The following MYO1B variants were observed in gnomAD, a reference collection of about 807,000 sequenced individuals.
MYO1B encodes the protein unconventional myosin-Ib.
In MYO1B, 72 loss-of-function variants were observed where a neutral mutation model predicts 159.7. That is an observed-to-expected ratio of 0.45 (90% CI 0.37 to 0.55). The LOEUF is 0.55. MYO1B is among the 20% of genes least tolerant of loss of function. The pLI is 0.00. For synonymous variants in MYO1B, 468 were observed against 473.8 expected, an observed-to-expected ratio of 0.99 and a Z score of 0.16; for missense variants, 1,062 against 1,364.8, an observed-to-expected ratio of 0.78 and a Z score of 3.50.
At chr2:191,282,813 G>A (rs1273276445) in intron 2 of MYO1B, among the ~76,000 whole-genome samples, 1 of 152,168 alleles carries the variant, frequency 6.6e-6, no homozygotes, top group African/African-American at 2.4e-5. Context: ...GATGAAGTAG[G>A]GAAGGAAGGA....
At chr2:191,414,775 T>G in intron 29 of MYO1B, 106 bp downstream of exon 29, 1 of 1,267,780 alleles carries the variant, frequency 7.9e-7, no homozygotes. Flanking sequence ...CCTTGCTAAT[T>G]TGCAAATTTT....
At chr2:191,253,573 T>TAA (rs5837223) in intron 1 of MYO1B, among the ~76,000 whole-genome samples, 27 of 147,518 alleles carry the variant, frequency 1.8e-4, no homozygotes, top group Admixed American at 4.0e-4. Flanking sequence ...TTTCACAACT[T>TAA]AAAAAAAAAA....
At position 191,291,889 on chromosome 2, in the gene MYO1B, A is replaced by T. The variant is rs73981544; in HGVS notation, c.136-4222A>T. 6.0e-3 allele frequency among the ~76,000 whole-genome samples: 918 copies of T among 152,308 alleles called. 12 individuals are homozygous for T. The highest frequency in any genetic ancestry group is 0.021 in the African/African-American group (864 of 41,562). On this transcript the variant is annotated intron_variant, in intron 2 of 30. Transcript: ENST00000392318. Reference sequence around the variant, plus strand: ...AGAATTGGTAGCTACCTAAAACTAGAGTAGAAATGTTAAACCCCACCCAGC... The same window carrying T: ...AGAATTGGTAGCTACCTAAAACTAGTGTAGAAATGTTAAACCCCACCCAGC...
chr2:191,357,471 C>T (rs1235136990), intron 7 of MYO1B, among the ~76,000 whole-genome samples: 3 of 152,152 alleles, frequency 2.0e-5, no homozygotes, highest in Non-Finnish European at 2.9e-5. Context: ...TATCTCTTAC[C>T]TTAAAATGGA....
intron 5 of MYO1B, among the ~76,000 whole-genome samples, chr2:191,344,789 C>T (rs1203931418): frequency 7.4e-6 from 1 of 134,464 alleles, no homozygotes; most frequent in South Asian, 2.6e-4. Flanking sequence ...GAGATCCCGC[C>T]GCTGCACTCC....
At chr2:191,328,678 A>C (rs112206244) in intron 3 of MYO1B, among the ~76,000 whole-genome samples, 2 of 152,088 alleles carry the variant, frequency 1.3e-5, no homozygotes, top group African/African-American at 4.8e-5. Flanking sequence ...GAACCTGCCT[A>C]TCTCTCTCCG....
intron 5 of MYO1B, 114 bp downstream of exon 5, chr2:191,341,679 G>C: frequency 9.2e-6 from 7 of 763,632 alleles, no homozygotes; most frequent in Non-Finnish European, 1.3e-5. Flanking sequence ...GAGGAAGGAA[G>C]AGATTCAGGC....
intron 7 of MYO1B, among the ~76,000 whole-genome samples, chr2:191,353,609 A>G (rs6731901): frequency 0.43 from 65,516 of 151,876 alleles, 14,846 homozygotes; most frequent in African/African-American, 0.59. Context: ...TTTTTTCCTT[A>G]TCCATTATTT....
chr2:191,385,420 T>C (rs1403895129), intron 15 of MYO1B, among the ~76,000 whole-genome samples: 1 of 152,226 alleles, frequency 6.6e-6, no homozygotes, highest in African/African-American at 2.4e-5. Context: ...TTTGGAAACA[T>C]AGAAAACGAG....
intron 7 of MYO1B, among the ~76,000 whole-genome samples, chr2:191,356,360 G>GTTTTTTTTTTTT (rs1693287949): frequency 1.2e-5 from 1 of 86,650 alleles, no homozygotes; most frequent in Non-Finnish European, 2.5e-5. Context: ...TTTTTTTTGA[G>GTTTTTTTTTTTT]TTTTGAGTTT....
intron 13 of MYO1B, among the ~76,000 whole-genome samples, chr2:191,377,068 G>A (rs1694755357): frequency 2.6e-5 from 4 of 152,036 alleles, no homozygotes; most frequent in African/African-American, 4.8e-5. Flanking sequence ...TTGAAAGGAT[G>A]GACTCAAAGT....
At chr2:191,380,785 G>A (rs903323974) in intron 13 of MYO1B, among the ~76,000 whole-genome samples, 1 of 152,078 alleles carries the variant, frequency 6.6e-6, no homozygotes, top group Admixed American at 6.6e-5. Flanking sequence ...CATTTGGTAG[G>A]AACTTCATTT....
intron 23 of MYO1B, 151 bp from the exon 24 acceptor site, chr2:191,402,481 C>A (rs1273139161): frequency 1.5e-6 from 1 of 678,824 alleles, no homozygotes; most frequent in Non-Finnish European, 2.6e-6. Context: ...GACACCAATT[C>A]TTTGGGTTTA....
intron 8 of MYO1B, 22 bp downstream of exon 8, chr2:191,360,751 GTGTTGTTGTTGTTGTTGT>G (rs71403288): frequency 2.7e-6 from 3 of 1,117,816 alleles, no homozygotes; most frequent in Non-Finnish European, 3.9e-6. Context: ...TTTCTATGTG[GTGTTGTTGTTGTTGTTGT>G]TGTTGTTGTT....
intron 30 of MYO1B, among the ~76,000 whole-genome samples, chr2:191,419,131 T>C (rs1025759807): frequency 2.1e-4 from 32 of 152,248 alleles, no homozygotes; most frequent in African/African-American, 7.2e-4. Context: ...CACTGCCAGT[T>C]GTCTACAAGT....
chr2:191,309,224 G>T (rs1689841680), intron 3 of MYO1B, among the ~76,000 whole-genome samples: 1 of 152,128 alleles, frequency 6.6e-6, no homozygotes, highest in African/African-American at 2.4e-5. Context: ...TTGGTCAGTG[G>T]CAGCATCATC....
At chr2:191,274,702 G>A (rs940531744) in intron 1 of MYO1B, among the ~76,000 whole-genome samples, 1 of 152,026 alleles carries the variant, frequency 6.6e-6, no homozygotes, top group African/African-American at 2.4e-5. Flanking sequence ...TGTGACAAAT[G>A]GTCCTCTCCC....
intron 30 of MYO1B, among the ~76,000 whole-genome samples, chr2:191,420,008 C>G (rs1353598494): frequency 6.6e-6 from 1 of 152,048 alleles, no homozygotes; most frequent in Non-Finnish European, 1.5e-5. Context: ...CAATACCAGC[C>G]TGGGCGACAT....
chr2:191,252,751 A>T (rs968673420), intron 1 of MYO1B, among the ~76,000 whole-genome samples: 1 of 152,126 alleles, frequency 6.6e-6, no homozygotes, highest in African/African-American at 2.4e-5. Flanking sequence ...CGTCTCTCCA[A>T]ACCTGTCGAA....
Sources: gnomAD v4.1 joint callset for allele counts (sites outside exome capture counted in the v4.1 genomes callset) on GRCh38, gnomAD v4.1.1 for gene constraint, MANE v1.5 for transcripts, NCBI Gene and HGNC (gene_info 2026-07-23, HGNC 2026-07-21) for gene names.